PTPN13: variants seen among roughly 807,000 people sequenced by gnomAD.
The protein encoded by PTPN13 is protein tyrosine phosphatase non-receptor type 13.
Under a neutral mutation model 284.0 loss-of-function variants are expected in PTPN13, and 191 were observed. The ratio of observed to expected loss-of-function variants is 0.67; its 90% CI spans 0.60 to 0.76. The LOEUF (loss-of-function observed/expected upper bound fraction) is 0.76. PTPN13 is among the 30% of genes least tolerant of loss of function. The pLI is 0.00. For synonymous variants in PTPN13, 986 were observed against 1,022.3 expected (o/e 0.96, Z 0.68); for missense variants, 2,797 against 2,939.9 (o/e 0.95, Z 1.12).
intron 1 of PTPN13, among the ~76,000 whole-genome samples, chr4:86,614,305 A>G (rs1008172940): frequency 6.6e-6 from 1 of 152,178 alleles, no homozygotes; most frequent in African/African-American, 2.4e-5. Flanking sequence ...TATTAGTTTA[A>G]ATGAATTGTT....
At chr4:86,746,338 G>T (rs1226774827) in intron 17 of PTPN13, among the ~76,000 whole-genome samples, 1 of 152,204 alleles carries the variant, frequency 6.6e-6, no homozygotes, top group Non-Finnish European at 1.5e-5. Flanking sequence ...AGAAGTATGT[G>T]ATTTAAAAAT....
intron 4 of PTPN13, among the ~76,000 whole-genome samples, chr4:86,688,107 T>G (rs1729634895): frequency 6.6e-6 from 1 of 152,098 alleles, no homozygotes; most frequent in South Asian, 2.1e-4. Context: ...AGTTGGGACT[T>G]CTGGTTAGGC....
At chr4:86,619,443 T>C (rs543831730) in intron 1 of PTPN13, among the ~76,000 whole-genome samples, 1 of 152,192 alleles carries the variant, frequency 6.6e-6, no homozygotes, top group Non-Finnish European at 1.5e-5. Context: ...ATTTTATACA[T>C]TTCAGTTTTT....
intron 1 of PTPN13, among the ~76,000 whole-genome samples, chr4:86,627,528 C>T (rs1721978240): frequency 6.6e-6 from 1 of 150,768 alleles, no homozygotes. Flanking sequence ...TTCTTTTTAA[C>T]AGCTTTATTG....
Position 86,701,794 on chromosome 4 carries a change from T to C in PTPN13, c.1188T>C (p.Asn396=), listed in dbSNP as rs751554517. 2 of 1,604,064 alleles carry C rather than the reference T, an allele frequency of 1.2e-6. No individual in the cohort carries two copies. The highest frequency in any genetic ancestry group is 2.2e-5 in the South Asian group (2 of 88,916). Residue 396 remains asparagine, a synonymous_variant, in exon 7 of 48, where the codon AAT becomes AAC. Coordinates refer to ENST00000411767, the MANE Select transcript of PTPN13 (RefSeq NM_080683.3). ...KKLQVLREAM[N]VEEPVRRYKT... ...TTCAGGTTCTGAGGGAAGCCATGAA[T>C]GTAGAAGGTTAGTAATTCTGTGCAT... is the stretch of plus-strand genomic sequence containing the variant.
chr4:86,793,924 A>G (rs989596027), intron 40 of PTPN13, among the ~76,000 whole-genome samples: 1 of 152,034 alleles, frequency 6.6e-6, no homozygotes, highest in African/African-American at 2.4e-5. Context: ...ACAGCCTAAC[A>G]TCACAATTAA....
chr4:86,747,807 G>T (rs555063210), intron 17 of PTPN13, among the ~76,000 whole-genome samples: 1 of 152,202 alleles, frequency 6.6e-6, no homozygotes, highest in Non-Finnish European at 1.5e-5. Flanking sequence ...CTGTCTGCCT[G>T]TTTATTTGTA....
In PTPN13 at chr4:86,639,542, A is replaced by T. The variant is rs547165419; in HGVS notation, c.115+4171A>T. ...TGTCCTTTGTAGGGACATGGATGAAATTGGAAATCATCATTCTCAGCAAAC... is the reference window on the plus strand; with the variant it reads ...TGTCCTTTGTAGGGACATGGATGAATTTGGAAATCATCATTCTCAGCAAAC... On this transcript the variant is annotated intron_variant, in intron 2 of 47. Transcript: ENST00000411767. Among the ~76,000 whole-genome samples the T allele has an allele frequency of 3.2e-3, 487 of 152,216 alleles. 4 individuals carry two copies. The highest frequency in any genetic ancestry group is 9.9e-3 in the African/African-American group (412 of 41,522).
At chr4:86,638,906 G>A (rs1363165209) in intron 2 of PTPN13, among the ~76,000 whole-genome samples, 2 of 152,112 alleles carry the variant, frequency 1.3e-5, no homozygotes, top group African/African-American at 4.8e-5. Flanking sequence ...CTACAGAATG[G>A]GAGAAAATGT....
chr4:86,740,058 T>G (rs1260908039), intron 15 of PTPN13, among the ~76,000 whole-genome samples: 3 of 152,154 alleles, frequency 2.0e-5, no homozygotes, highest in African/African-American at 7.2e-5. Context: ...CCTGGCTGGT[T>G]TCATGGGCTG....
intron 1 of PTPN13, among the ~76,000 whole-genome samples, chr4:86,620,321 A>G (rs1471939759): frequency 6.6e-6 from 1 of 152,110 alleles, no homozygotes; most frequent in Non-Finnish European, 1.5e-5. Context: ...ACACACCACC[A>G]TAGCCAGCTA....
intron 17 of PTPN13, among the ~76,000 whole-genome samples, chr4:86,746,023 A>G (rs1196609919): frequency 6.6e-6 from 1 of 152,126 alleles, no homozygotes; most frequent in South Asian, 2.1e-4. Flanking sequence ...GAAGAGACAC[A>G]CTGTATAGTC....
chr4:86,595,132 GC>G (rs774149265), intron 1 of PTPN13, among the ~76,000 whole-genome samples: 1 of 152,164 alleles, frequency 6.6e-6, no homozygotes, highest in African/African-American at 2.4e-5. Context: ...GCCCCGTCGT[GC>G]TTGCACAGCT....
chr4:86,764,610 G>A lies in PTPN13; in HGVS notation c.4035G>A (p.Val1345=), dbSNP rs1739071808. 4 of 1,526,670 alleles carry A rather than the reference G, an allele frequency of 2.6e-6. No homozygotes were observed. In the Admixed American group the frequency reaches 8.8e-5, roughly 33 times the overall value. The allele number at this position is 1,526,670 out of a possible 1,614,324, so 94.6% of individuals were successfully genotyped here. A position where few individuals can be genotyped will look rare whatever the true frequency, so the allele number is the denominator to read the frequency against. Residue 1345 remains valine, a synonymous_variant, in exon 25 of 48, where the codon GTG becomes GTA. Coordinates refer to ENST00000411767, the MANE Select transcript of PTPN13 (RefSeq NM_080683.3). The part of the protein sequence containing the change: ...QTPKQESSSS[V]NTSNKMNFKT... ...TTGTTAAGGAATCTTCCTCTTCAGT[G>A]AATACATCCAACAAGATGAATTTTA...
At position 86,594,351 on chromosome 4, in the gene PTPN13, A is replaced by G. The variant is rs1276281211; in HGVS notation, c.-444A>G. ...GCGGCCACGCTGAGGCGAGGGTGAC[A>G]CACCATGCTCACGGCCCCTGGAGAC... On this transcript the variant is annotated 5_prime_UTR_variant, in exon 1 of 48. Coordinates refer to ENST00000411767, the MANE Select transcript of PTPN13 (RefSeq NM_080683.3). 6.6e-6 allele frequency: 1 copy of G among 152,266 alleles called. No individual in the cohort carries two copies. The highest frequency in any genetic ancestry group is 2.4e-5 in the African/African-American group (1 of 41,436). The allele number at this position is 152,266 out of a possible 1,614,324, so 9.4% of individuals were successfully genotyped here. A position where few individuals can be genotyped will look rare whatever the true frequency, so the allele number is the denominator to read the frequency against.
intron 2 of PTPN13, among the ~76,000 whole-genome samples, chr4:86,644,878 T>C (rs2148776180): frequency 6.6e-6 from 1 of 152,136 alleles, no homozygotes. Flanking sequence ...AGAAAAACAT[T>C]TGGTAACATC....
intron 20 of PTPN13, among the ~76,000 whole-genome samples, chr4:86,757,724 A>G (rs1022209212): frequency 6.7e-6 from 1 of 150,098 alleles, no homozygotes; most frequent in South Asian, 2.1e-4. Flanking sequence ...TGATTATGCC[A>G]CTACACTTAT....
Position 86,770,102 on chromosome 4 carries a change from A to G in PTPN13, c.4706A>G (p.Glu1569Gly). 1 of 1,613,552 alleles carries G rather than the reference A, an allele frequency of 6.2e-7. No homozygotes were observed. The highest frequency in any genetic ancestry group is 8.5e-7 in the Non-Finnish European group (1 of 1,179,592). Residue 1569 changes from glutamate to glycine, a missense_variant and splice_region_variant, in exon 30 of 48, where the codon GAA becomes GGA. Glu to Gly is a moderately conservative substitution (Grantham distance 98). Transcript: ENST00000411767. ...GASLKGLSQQ[E>G]VISALRGTAP... ...ATTTGTCATTCATGGTACCCCCAGG[A>G]AGTCATATCTGCTCTCAGGGGAACT...
chr4:86,696,300 G>A (rs866064690), intron 6 of PTPN13, among the ~76,000 whole-genome samples: 3 of 151,924 alleles, frequency 2.0e-5, no homozygotes, highest in Non-Finnish European at 2.9e-5. Flanking sequence ...TTTGTTGACT[G>A]AACGAGAAAA....
Sources: gnomAD v4.1 joint callset for allele counts (sites outside exome capture counted in the v4.1 genomes callset) on GRCh38, gnomAD v4.1.1 for gene constraint, MANE v1.5 for transcripts, NCBI Gene and HGNC (gene_info 2026-07-23, HGNC 2026-07-21) for gene names.